Variants in PRUNE2 observed in about 807,000 individuals in gnomAD.
PRUNE2 encodes prune homolog 2 with BCH domain, also known as protein prune homolog 2.
PRUNE2 carries 164 observed loss-of-function variants against 252.0 expected under a neutral mutation model. The observed-to-expected ratio is 0.65, with a 90% confidence interval of 0.57 to 0.74. The LOEUF (loss-of-function observed/expected upper bound fraction) is 0.74. Among genes scored for constraint, PRUNE2 ranks in the 30% least tolerant of loss-of-function variants. PRUNE2 has a pLI of 0.00. For missense variants in PRUNE2, 3,495 were observed against 3,711.0 expected (o/e 0.94, Z 1.51); for synonymous variants, 1,292 against 1,350.2 (o/e 0.96, Z 0.94).
At chr9:76,739,993 G>A (rs2049444411) in intron 6 of PRUNE2, 1 of 152,070 alleles carries the variant, frequency 6.6e-6, no homozygotes, top group African/African-American at 2.4e-5. Context: ...GGTGAGGCAG[G>A]AGAATTGGGT....
intron 9 of PRUNE2, among the ~76,000 whole-genome samples, chr9:76,696,992 ACT>A (rs1271822491): frequency 8.6e-5 from 13 of 151,912 alleles, no homozygotes; most frequent in African/African-American, 2.9e-4. Context: ...CTTCGTAAAT[ACT>A]CTCTTTATTA....
chr9:76,836,211 G>T (rs542700810), intron 4 of PRUNE2, among the ~76,000 whole-genome samples: 1 of 151,672 alleles, frequency 6.6e-6, no homozygotes, highest in South Asian at 2.1e-4. Flanking sequence ...CATCTCTGGA[G>T]AAATAAACGA....
At chr9:76,876,103 C>G (rs1328295506) in intron 1 of PRUNE2, among the ~76,000 whole-genome samples, 1 of 152,134 alleles carries the variant, frequency 6.6e-6, no homozygotes, top group Admixed American at 6.6e-5. Flanking sequence ...ATCATCTCTA[C>G]AAATCTGCTT....
In PRUNE2 at chr9:76,706,816, G is replaced by C; in HGVS notation, c.5458C>G (p.Leu1820Val). 1.9e-6 allele frequency: 3 copies of C among 1,600,274 alleles called. No individual in the cohort carries two copies. The highest frequency in any genetic ancestry group is 2.6e-6 in the Non-Finnish European group (3 of 1,173,540). ...KNEDNSQLEM[L>V]GFSADSTEWW... is the part of the protein sequence containing the mutation. ...TCAGTGCTATCAGCTGAGAAGCCCA[G>C]CATTTCCAGTTGAGAATTATCTTCG... Residue 1820 changes from leucine (L) to valine (V), a missense_variant, in exon 8 of 19, where the codon CTG (leucine) becomes GTG (valine). By Grantham distance (32) the Leu-to-Val change is conservative (BLOSUM62 1). Transcript: ENST00000376718.
intron 6 of PRUNE2, among the ~76,000 whole-genome samples, chr9:76,723,204 G>A (rs950561137): frequency 6.6e-6 from 1 of 152,200 alleles, no homozygotes; most frequent in Non-Finnish European, 1.5e-5. Context: ...TATTCTTGCA[G>A]TAGTATGTAC....
intron 9 of PRUNE2, among the ~76,000 whole-genome samples, chr9:76,658,729 G>A (rs1398711102): frequency 1.3e-5 from 2 of 152,212 alleles, no homozygotes; most frequent in African/African-American, 2.4e-5. Flanking sequence ...GTAAACACAA[G>A]TCAGGCTGTA....
At chr9:76,769,617 G>T (rs1024733534) in intron 6 of PRUNE2, among the ~76,000 whole-genome samples, 4 of 152,142 alleles carry the variant, frequency 2.6e-5, no homozygotes, top group Non-Finnish European at 5.9e-5. Flanking sequence ...TAGAGATGGG[G>T]TTTCTCCATG....
At chr9:76,787,871 G>A (rs7470658) in intron 6 of PRUNE2, among the ~76,000 whole-genome samples, 2 of 152,170 alleles carry the variant, frequency 1.3e-5, no homozygotes, top group Admixed American at 6.5e-5. Flanking sequence ...AGCTCCTCCC[G>A]ACTTCCTCTC....
chr9:76,637,009 G>GTGTGTGTA (rs1554779750), intron 14 of PRUNE2, among the ~76,000 whole-genome samples: 131 of 150,398 alleles, frequency 8.7e-4, no homozygotes, highest in African/African-American at 2.7e-3. Context: ...GTGTGTGTGT[G>GTGTGTGTA]TATAATTTTA....
At chr9:76,889,870 G>T (rs947890355) in intron 1 of PRUNE2, among the ~76,000 whole-genome samples, 1 of 152,162 alleles carries the variant, frequency 6.6e-6, no homozygotes, top group East Asian at 1.9e-4. Context: ...GGCTCTGGGG[G>T]ACAGCAGCAT....
At chr9:76,778,513 C>T (rs2054041602) in intron 6 of PRUNE2, 1 of 152,210 alleles carries the variant, frequency 6.6e-6, no homozygotes, top group Non-Finnish European at 1.5e-5. Context: ...TCAGTTGGAG[C>T]AAGCTCAATA....
intron 6 of PRUNE2, among the ~76,000 whole-genome samples, chr9:76,723,569 G>A (rs1475652489): frequency 6.6e-6 from 1 of 152,098 alleles, no homozygotes; most frequent in Non-Finnish European, 1.5e-5. Flanking sequence ...TCTCACTAAG[G>A]TACAACTATG....
intron 6 of PRUNE2, chr9:76,786,059 T>G (rs894881343): frequency 3.3e-5 from 5 of 152,154 alleles, no homozygotes; most frequent in Non-Finnish European, 5.9e-5. Context: ...AATACTTGCA[T>G]TAGGTCTCAG....
chr9:76,860,058 T>C (rs1364259825), intron 1 of PRUNE2, among the ~76,000 whole-genome samples: 1 of 152,112 alleles, frequency 6.6e-6, no homozygotes, highest in South Asian at 2.1e-4. Flanking sequence ...CTGAAACAAT[T>C]GATTGGCTGG....
At chr9:76,670,337 T>C (rs1239232683) in intron 9 of PRUNE2, among the ~76,000 whole-genome samples, 5 of 151,658 alleles carry the variant, frequency 3.3e-5, no homozygotes, top group African/African-American at 1.2e-4. Context: ...TACTGCGCTT[T>C]TCCAAAGGGC....
intron 6 of PRUNE2, among the ~76,000 whole-genome samples, chr9:76,807,956 T>A (rs936297538): frequency 3.3e-5 from 5 of 152,174 alleles, no homozygotes; most frequent in Non-Finnish European, 5.9e-5. Flanking sequence ...GGCGGGTGGA[T>A]CACCTGAGGT....
At chr9:76,722,502 T>C (rs2047735583) in intron 6 of PRUNE2, among the ~76,000 whole-genome samples, 1 of 152,224 alleles carries the variant, frequency 6.6e-6, no homozygotes, top group South Asian at 2.1e-4. Flanking sequence ...TCATTCTTTA[T>C]AGCTAAAAAG....
At chr9:76,884,369 T>C (rs1264926534) in intron 1 of PRUNE2, among the ~76,000 whole-genome samples, 2 of 152,202 alleles carry the variant, frequency 1.3e-5, no homozygotes, top group Non-Finnish European at 2.9e-5. Context: ...CTGAGCGTCA[T>C]TGGCTAAGTG....
At chr9:76,683,714 C>T (rs2043747298) in intron 9 of PRUNE2, among the ~76,000 whole-genome samples, 2 of 152,026 alleles carry the variant, frequency 1.3e-5, no homozygotes, top group South Asian at 2.1e-4. Context: ...GTTTATCACT[C>T]CTCTAATTCT....
Sources: gnomAD v4.1 joint callset for allele counts (sites outside exome capture counted in the v4.1 genomes callset) on GRCh38, gnomAD v4.1.1 for gene constraint, MANE v1.5 for transcripts, NCBI Gene and HGNC (gene_info 2026-07-23, HGNC 2026-07-21) for gene names.